Variants in KASH5 observed in about 807,000 individuals in gnomAD.
KASH5 encodes protein KASH5.
In KASH5, 72 loss-of-function variants were observed where a neutral mutation model predicts 84.2. That is an observed-to-expected ratio of 0.85 (90% CI 0.71 to 1.04). KASH5 has a LOEUF of 1.04. KASH5 is among the 50% of genes least tolerant of loss of function. KASH5 has a pLI of 0.00. For synonymous variants in KASH5, 260 were observed against 279.1 expected, an observed-to-expected ratio of 0.93 and a Z score of 0.68; for missense variants, 650 against 701.0, an observed-to-expected ratio of 0.93 and a Z score of 0.82.
In KASH5 at chr19:49,416,932, G is replaced by A; in HGVS notation, c.1375-83G>A. 1 of 1,354,384 alleles carries A rather than the reference G, an allele frequency of 7.4e-7. No individual in the cohort carries two copies. Among genetic ancestry groups the A allele is most frequent in the Non-Finnish European group, 1.0e-6 (1 of 970,050 alleles). The allele number at this position is 1,354,384 out of a possible 1,614,324, so 83.9% of individuals were successfully genotyped here. On this transcript the variant is annotated intron_variant, in intron 17 of 19. Coordinates refer to ENST00000447857, the MANE Select transcript of KASH5 (RefSeq NM_144688.5). This position sits in a 1 kb window ranked among gnomAD's most constrained non-coding sequence, Gnocchi z 5.4. ...TCCTGAGCTCCACCACTTTCTATGT[G>A]GCCACTTGTGTCCAGTGGGCTGACC...
chr19:49,413,143 T>G, intron 16 of KASH5, 117 bp downstream of exon 16: 1 of 1,031,640 alleles, frequency 9.7e-7, no homozygotes, highest in South Asian at 1.4e-5. Context: ...TCCTTCTTCA[T>G]GTCTTCCGGG....
chr19:49,415,891 G>A (rs998098220), intron 17 of KASH5, among the ~76,000 whole-genome samples: 1 of 152,174 alleles, frequency 6.6e-6, no homozygotes, highest in African/African-American at 2.4e-5. Context: ...CATTATCATT[G>A]TCATTCATCA....
intron 14 of KASH5, 85 bp from the exon 15 acceptor site, chr19:49,409,668 G>A (rs1468123047): frequency 1.1e-5 from 17 of 1,553,278 alleles, no homozygotes; most frequent in East Asian, 6.8e-5. Flanking sequence ...ATTTTCAGCC[G>A]CACACCTAAA....
chr19:49,406,972 C>T lies in KASH5; in HGVS notation c.876+9C>T. 1 of 1,578,170 alleles carries T rather than the reference C, an allele frequency of 6.3e-7. No homozygotes were observed. Among genetic ancestry groups the T allele is most frequent in the East Asian group, 2.3e-5 (1 of 43,016 alleles). ...AGAAGGACACTTTGAAGGTGCCACT[C>T]CTTCCTAGTGCCTGACAACTTTCCA... On this transcript the variant is annotated intron_variant, in intron 10 of 19. Transcript: ENST00000447857.
chr19:49,417,325 G>C lies in KASH5; in HGVS notation c.1548-44G>C, dbSNP rs1479703646. 1 of 1,571,030 alleles carries C rather than the reference G, an allele frequency of 6.4e-7. No individual in the cohort carries two copies. Among genetic ancestry groups the C allele is most frequent in the African/African-American group, 1.4e-5 (1 of 73,816 alleles). ...TGGTCTGACATTGGGAAGAGCAGGG[G>C]CTGCCCAGACCCTGCCCTAAATGCT... On this transcript the variant is annotated intron_variant, in intron 19 of 19. Coordinates refer to ENST00000447857, the MANE Select transcript of KASH5 (RefSeq NM_144688.5). This position sits in a 1 kb window ranked among gnomAD's most constrained non-coding sequence, Gnocchi z 5.2.
chr19:49,390,642 A>T, intron 1 of KASH5, 147 bp from the exon 2 acceptor site: 1 of 458,882 alleles, frequency 2.2e-6, no homozygotes, highest in Non-Finnish European at 3.8e-6. Flanking sequence ...CAATCCATAA[A>T]ACAGGTCAGA....
chr19:49,395,413 G>A lies in KASH5; in HGVS notation c.335+121G>A. On this transcript the variant is annotated intron_variant, in intron 4 of 19. Transcript: ENST00000447857. This position sits in a 1 kb window ranked among gnomAD's most constrained non-coding sequence, Gnocchi z 4.4. ...CCTACTGTGTTTGGAATGAGGCTGT[G>A]GAGAGAAAAATGAAGAGACGGGATT... The A allele has an allele frequency of 9.1e-7, 1 of 1,098,510 alleles. No individual in the cohort carries two copies. Among genetic ancestry groups the A allele is most frequent in the East Asian group, 2.4e-5 (1 of 41,956 alleles). 68.0% of individuals were successfully genotyped at this position (1,098,510 alleles called of 1,614,324 possible). A position where few individuals can be genotyped will look rare whatever the true frequency, so the allele number is the denominator to read the frequency against.
At chr19:49,409,648 C>T (rs767122429) in intron 14 of KASH5, 105 bp from the exon 15 acceptor site, 122 of 1,428,964 alleles carry the variant, frequency 8.5e-5, no homozygotes, top group Non-Finnish European at 1.1e-4. Context: ...CCTTTTCTAT[C>T]TCTCATCCTA....
At position 49,408,947 on chromosome 19, in the gene KASH5, C is replaced by A; in HGVS notation, c.994-20C>A. On this transcript the variant is annotated intron_variant, in intron 12 of 19. Coordinates refer to ENST00000447857, the MANE Select transcript of KASH5 (RefSeq NM_144688.5). ...GGAAAAATGCAGAGCCAAATGTGCT[C>A]CCCACTTCCTCCTTTGCAGGAACTG... 6.4e-7 allele frequency: 1 copy of A among 1,566,306 alleles called. No individual in the cohort carries two copies. Among genetic ancestry groups the A allele is most frequent in the Non-Finnish European group, 8.7e-7 (1 of 1,155,492 alleles).
intron 2 of KASH5, chr19:49,393,689 G>A (rs1173849735): frequency 7.1e-6 from 1 of 141,836 alleles, no homozygotes; most frequent in Non-Finnish European, 1.5e-5. Context: ...GGACGTGTGT[G>A]TGTGTGTGTG....
intron 9 of KASH5, among the ~76,000 whole-genome samples, chr19:49,400,182 T>C (rs1225567300): frequency 2.1e-5 from 3 of 142,094 alleles, no homozygotes; most frequent in Non-Finnish European, 3.0e-5. Context: ...GAGCCAAGAT[T>C]GCATCATGGC....
At chr19:49,400,940 G>A (rs891651848) in intron 9 of KASH5, among the ~76,000 whole-genome samples, 2 of 152,160 alleles carry the variant, frequency 1.3e-5, no homozygotes, top group African/African-American at 2.4e-5. Flanking sequence ...CGACCTCAAG[G>A]TGGTATCTAA....
chr19:49,398,165 C>G, intron 7 of KASH5, 22 bp downstream of exon 7: 1 of 1,545,794 alleles, frequency 6.5e-7, no homozygotes, highest in African/African-American at 1.4e-5. Context: ...GCCACACCCA[C>G]CCTCCCCAGC....
intron 2 of KASH5, among the ~76,000 whole-genome samples, 165 bp downstream of exon 2, chr19:49,391,091 G>A (rs1973989631): frequency 6.6e-6 from 1 of 152,112 alleles, no homozygotes; most frequent in South Asian, 2.1e-4. Flanking sequence ...TAGATTAAGT[G>A]CCTACTCTAT....
chr19:49,395,794 G>T lies in KASH5; in HGVS notation c.361G>T (p.Ala121Ser). 6.4e-7 allele frequency: 1 copy of T among 1,564,412 alleles called. No individual in the cohort carries two copies. The highest frequency in any genetic ancestry group is 1.2e-5 in the South Asian group (1 of 84,654). ...HGGLELEEET[A>S]FQGALTSRQL... The stretch of plus-strand genomic sequence containing the variant: ...GGGATTAGAGCTGGAAGAGGAGACC[G>T]CCTTCCAGGGAGCCCTGACCTCCCG... The change falls in exon 5 of 20, where the codon GCC becomes TCC. Residue 121 changes from alanine to serine, a missense_variant. Ala to Ser is a moderately conservative substitution (Grantham distance 99). Coordinates refer to ENST00000447857, the MANE Select transcript of KASH5 (RefSeq NM_144688.5). This position sits in a 1 kb window ranked among gnomAD's most constrained non-coding sequence, Gnocchi z 4.4.
chr19:49,393,191 T>G (rs1974058131), intron 2 of KASH5, among the ~76,000 whole-genome samples: 1 of 152,192 alleles, frequency 6.6e-6, no homozygotes, highest in South Asian at 2.1e-4. Context: ...TAGCATCGAT[T>G]ATTATTATGC....
intron 7 of KASH5, 112 bp downstream of exon 7, chr19:49,398,255 C>A: frequency 2.3e-6 from 2 of 872,118 alleles, no homozygotes; most frequent in Non-Finnish European, 3.4e-6. Context: ...TGACTCTGTA[C>A]CTGTCCTTTC....
chr19:49,409,026 C>A lies in KASH5; in HGVS notation c.1053C>A (p.Pro351=), dbSNP rs760816785. The A allele has an allele frequency of 1.9e-6, 3 of 1,591,286 alleles. No individual in the cohort carries two copies. In the East Asian group the frequency reaches 6.8e-5, roughly 36 times the overall value. The change falls in exon 13 of 20, where the codon CCC becomes CCA. Residue 351 remains proline, a synonymous_variant. Coordinates refer to ENST00000447857, the MANE Select transcript of KASH5 (RefSeq NM_144688.5). ...AGCTGAGTCAGACCTATGAGGGGCCCGATGAGTGAGTGGAATTTCAAGGGG... is the reference window on the plus strand; with the variant it reads ...AGCTGAGTCAGACCTATGAGGGGCCAGATGAGTGAGTGGAATTTCAAGGGG... ...EEQLSQTYEG[P]DELPEGAQLR...
Position 49,417,273 on chromosome 19 carries a change from C to T in KASH5, c.1547+7C>T. ...TGCCCCCACAGCGGCTCAGGTGTGC[C>T]CCCAGGCGTCTCCAGAAGGAAGGAG... On this transcript the variant is annotated splice_region_variant and intron_variant, in intron 19 of 19. Transcript: ENST00000447857. This position sits in a 1 kb window ranked among gnomAD's most constrained non-coding sequence, Gnocchi z 5.2. 6.2e-7 allele frequency: 1 copy of T among 1,609,286 alleles called. No homozygotes were observed. Among genetic ancestry groups the T allele is most frequent in the Non-Finnish European group, 8.5e-7 (1 of 1,177,882 alleles).
Sources: allele counts gnomAD v4.1 joint callset (sites outside exome capture counted in the v4.1 genomes callset), GRCh38; gene constraint gnomAD v4.1.1; non-coding constraint Gnocchi (gnomAD v3.1); transcripts MANE v1.5; gene names NCBI Gene and HGNC (gene_info 2026-07-23, HGNC 2026-07-21).